Variants in NPEPL1 observed in about 807,000 individuals in gnomAD.
NPEPL1 encodes the protein probable aminopeptidase NPEPL1.
A neutral mutation model predicts 52.4 loss-of-function variants in NPEPL1; 45 were observed. That is an observed-to-expected ratio of 0.86 (90% CI 0.68 to 1.10). NPEPL1 has a LOEUF of 1.10. NPEPL1 is among the 50% of genes least tolerant of loss of function. The pLI, the probability that NPEPL1 is intolerant of heterozygous loss-of-function variation, is 0.00. For missense variants in NPEPL1, 696 were observed against 710.9 expected (o/e 0.98, Z 0.24); for synonymous variants, 360 against 314.7 (o/e 1.14, Z -1.52).
chr20:58,692,992 T>C lies in NPEPL1; in HGVS notation c.92T>C (p.Leu31Pro). ...PLLLLGQLHHLHRVPWSHVRG... is the reference protein window; with the variant it reads ...PLLLLGQLHHPHRVPWSHVRG... ...CTGCTGCTCGGGCAGCTGCACCACCTGCACCGCGTGCCCTGGAGCCACGTC... is the reference window on the plus strand; with the variant it reads ...CTGCTGCTCGGGCAGCTGCACCACCCGCACCGCGTGCCCTGGAGCCACGTC... Residue 31 changes from leucine to proline, a missense_variant, in exon 1 of 12, where the codon CTG becomes CCG. By Grantham distance (98) the Leu-to-Pro change is moderately conservative. Transcript: ENST00000356091. This position sits in a 1 kb window ranked among gnomAD's most constrained non-coding sequence, Gnocchi z 5.7. The C allele has an allele frequency of 3.4e-6, 4 of 1,166,508 alleles. No homozygotes were observed. Among genetic ancestry groups the C allele is most frequent in the Non-Finnish European group, 3.2e-6 (3 of 928,324 alleles). 72.3% of individuals were successfully genotyped at this position (1,166,508 alleles called of 1,614,324 possible).
intron 7 of NPEPL1, among the ~76,000 whole-genome samples, chr20:58,709,060 A>G (rs2084787261): frequency 6.6e-6 from 1 of 152,002 alleles, no homozygotes; most frequent in Non-Finnish European, 1.5e-5. Context: ...AAATGATCAC[A>G]GATTCATCAG....
At chr20:58,699,918 C>T (rs868080865) in intron 5 of NPEPL1, among the ~76,000 whole-genome samples, 134 of 152,234 alleles carry the variant, frequency 8.8e-4, no homozygotes, top group African/African-American at 2.7e-3. Flanking sequence ...ATCCCCTCCC[C>T]GTGCTGTGGG....
At chr20:58,691,991 C>T (rs1218171239), upstream of NPEPL1, 6 of 634,520 alleles carry the variant, frequency 9.5e-6, no homozygotes, top group East Asian at 2.7e-5. Context: ...TGCCCCACAC[C>T]CCCGATGGCC....
intron 7 of NPEPL1, 44 bp downstream of exon 7, chr20:58,707,244 G>A (rs1258262508): frequency 4.0e-6 from 6 of 1,495,072 alleles, no homozygotes; most frequent in Non-Finnish European, 4.5e-6. Context: ...TCCTGGGTGT[G>A]CCTCGTGGGT....
intron 6 of NPEPL1, chr20:58,703,711 A>C: frequency 1.0e-6 from 1 of 984,730 alleles, no homozygotes; most frequent in South Asian, 4.7e-5. Flanking sequence ...CTGTGCAGTT[A>C]GTCAGCTCCC....
At chr20:58,692,452 G>A (rs905297810), upstream of NPEPL1, among the ~76,000 whole-genome samples, 3 of 152,152 alleles carry the variant, frequency 2.0e-5, no homozygotes, top group Admixed American at 6.5e-5. The surrounding 1 kb of genome is among the most constrained non-coding windows in gnomAD (Gnocchi z 5.7). Flanking sequence ...GACCTGCTTG[G>A]GGCCAGCCTG....
At chr20:58,696,108 G>A (rs1026356781) in intron 3 of NPEPL1, among the ~76,000 whole-genome samples, 1 of 152,316 alleles carries the variant, frequency 6.6e-6, no homozygotes, top group East Asian at 1.9e-4. Flanking sequence ...GGTGCCCGCA[G>A]AGCCCACCGG....
chr20:58,714,449 C>T lies in NPEPL1; in HGVS notation c.1303-111C>T, dbSNP rs181867897. On this transcript the variant is annotated intron_variant, in intron 10 of 11. Coordinates refer to ENST00000356091, the MANE Select transcript of NPEPL1 (RefSeq NM_024663.4). ...TCTGCTGCCTCCCCACACGCTCCCT[C>T]CCAGCCACCCCGAGCTCCTTGCAGA... 413 of 790,026 alleles carry T rather than the reference C, an allele frequency of 5.2e-4. 2 individuals carry two copies. Among genetic ancestry groups the T allele is most frequent in the Middle Eastern group, 1.0e-3 (3 of 2,920 alleles). 48.9% of individuals were successfully genotyped at this position (790,026 alleles called of 1,614,324 possible).
intron 6 of NPEPL1, chr20:58,704,177 C>T: frequency 1.0e-6 from 1 of 985,336 alleles, no homozygotes; most frequent in Non-Finnish European, 1.2e-6. Flanking sequence ...AACGCAGACG[C>T]AACGCAGCAG....
chr20:58,695,002 GTGCAT>G (rs2084435129), intron 3 of NPEPL1, among the ~76,000 whole-genome samples: 1 of 2,180 alleles, frequency 4.6e-4, no homozygotes, highest in Admixed American at 6.0e-3. Flanking sequence ...GGGTGTGTGT[GTGCAT>G]GTGTGATGTG....
At chr20:58,703,232 T>C (rs1026410408) in intron 6 of NPEPL1, among the ~76,000 whole-genome samples, 1 of 152,252 alleles carries the variant, frequency 6.6e-6, no homozygotes, top group Non-Finnish European at 1.5e-5. Context: ...AACAACGATA[T>C]GCGAATTTGA....
chr20:58,691,786 A>T (rs2084353125), upstream of NPEPL1: 1 of 1,544,504 alleles, frequency 6.5e-7, no homozygotes, highest in Non-Finnish European at 8.7e-7. Flanking sequence ...TGGAGGTAAC[A>T]GAGGAGGGTA....
Position 58,693,884 on chromosome 20 carries a change from C to A in NPEPL1, c.298C>A (p.Arg100=). 6.2e-7 allele frequency: 1 copy of A among 1,612,152 alleles called. No individual in the cohort carries two copies. The change falls in exon 2 of 12, where the codon CGG becomes AGG. Residue 100 remains arginine (R), a synonymous_variant. Transcript: ENST00000356091. ...CGCCCACTTCATCACGCGGCTGGTG[C>A]GGACCTGCCTGCCGCCCGGAGCGCA... ...SAAHFITRLV[R]TCLPPGAHRC...
At chr20:58,708,639 C>A (rs932804466) in intron 7 of NPEPL1, among the ~76,000 whole-genome samples, 2 of 152,224 alleles carry the variant, frequency 1.3e-5, no homozygotes, top group African/African-American at 2.4e-5. Context: ...CCAAGGGACA[C>A]GGCTGGCACT....
rs750554881 is a variant in NPEPL1, at chr20:58,699,253, G to A, written c.654G>A (p.Glu218=). 5 of 1,607,714 alleles carry A rather than the reference G, an allele frequency of 3.1e-6. No homozygotes were observed. Among genetic ancestry groups the A allele is most frequent in the Non-Finnish European group, 4.2e-6 (5 of 1,177,160 alleles). ...TCATCCCAACCATCATCCGGGATGA[G>A]GAACTGAAGACGAGAGGATTTGGAG... ...LGIIPTIIRD[E]ELKTRGFGGI... is the part of the protein sequence containing the mutation. Residue 218 remains glutamate, a synonymous_variant, in exon 5 of 12, where the codon GAG becomes GAA. Coordinates refer to ENST00000356091, the MANE Select transcript of NPEPL1 (RefSeq NM_024663.4).
rs538624911 is a variant in NPEPL1 at position 58,705,504 on chromosome 20, C to T, written c.823-1619C>T. 187 of 456,136 alleles carry T rather than the reference C, an allele frequency of 4.1e-4. 1 individual carries two copies. Among genetic ancestry groups the T allele is most frequent in the Non-Finnish European group, 6.7e-4 (151 of 226,976 alleles). 28.3% of individuals were successfully genotyped at this position (456,136 alleles called of 1,614,324 possible). On this transcript the variant is annotated intron_variant, in intron 6 of 11. Transcript: ENST00000356091. ...CATTGGTTCATTTTCCCAGAGGGCA[C>T]GGAAACGAATACAGTGGCTCCCGGA...
intron 6 of NPEPL1, chr20:58,704,340 A>G (rs747088812): frequency 2.0e-6 from 2 of 985,442 alleles, no homozygotes; most frequent in Non-Finnish European, 2.4e-6. Flanking sequence ...GCTCAAGACC[A>G]GCCTGGACTA....
At chr20:58,694,301 C>A in intron 2 of NPEPL1, 121 bp from the exon 3 acceptor site, 1 of 1,017,456 alleles carries the variant, frequency 9.8e-7, no homozygotes, top group Non-Finnish European at 1.4e-6. Flanking sequence ...TGCTGTGGGA[C>A]ATCTCTGTCT....
chr20:58,714,042 G>T lies in NPEPL1; in HGVS notation c.1251G>T (p.Leu417=), dbSNP rs1323811736. Residue 417 remains leucine, a synonymous_variant, in exon 10 of 12, where the codon CTG becomes CTT. Coordinates refer to ENST00000356091, the MANE Select transcript of NPEPL1 (RefSeq NM_024663.4). ...LVHPLVYCPE[L]HFSEFTSAVA... Reference sequence around the variant, plus strand: ...ACCCGCTGGTCTACTGCCCCGAGCTGCACTTCAGCGAGTTCACCTCAGCTG... The same window carrying T: ...ACCCGCTGGTCTACTGCCCCGAGCTTCACTTCAGCGAGTTCACCTCAGCTG... The T allele has an allele frequency of 1.3e-6, 2 of 1,541,630 alleles. No homozygotes were observed. Among genetic ancestry groups the T allele is most frequent in the Admixed American group, 4.2e-5 (2 of 47,858 alleles).
Sources: gnomAD v4.1 joint callset for allele counts (sites outside exome capture counted in the v4.1 genomes callset) on GRCh38, gnomAD v4.1.1 for gene constraint, Gnocchi (gnomAD v3.1) non-coding constraint, MANE v1.5 for transcripts, NCBI Gene and HGNC (gene_info 2026-07-23, HGNC 2026-07-21) for gene names.